SPA17: variants seen among roughly 807,000 people sequenced by gnomAD.
SPA17 encodes sperm surface protein Sp17.
In SPA17, 7 loss-of-function variants were observed where a neutral mutation model predicts 13.8. The observed-to-expected ratio is 0.51, with a 90% CI of 0.29 to 0.95. The LOEUF is 0.95. Among genes scored for constraint, SPA17 ranks in the 40% least tolerant of loss-of-function variants. SPA17 has a pLI of 0.08. For synonymous variants in SPA17, 61 were observed against 59.0 expected (o/e 1.03, Z -0.16); for missense variants, 170 against 179.3 (o/e 0.95, Z 0.30).
chr11:124,686,357 C>T (rs1943578873), intron 3 of SPA17, among the ~76,000 whole-genome samples: 1 of 152,132 alleles, frequency 6.6e-6, no homozygotes, highest in African/African-American at 2.4e-5. Flanking sequence ...TATAAATTAC[C>T]CAGTCTCAGG....
chr11:124,687,494 A>G (rs1184381975), intron 3 of SPA17, among the ~76,000 whole-genome samples: 1 of 152,220 alleles, frequency 6.6e-6, no homozygotes, highest in African/African-American at 2.4e-5. Context: ...CAAGGACCCA[A>G]CAAAAACAGA....
rs771426769 is a variant in SPA17 at position 124,681,468 on chromosome 11, C to T, written c.225+9C>T. The T allele has an allele frequency of 3.9e-6, 6 of 1,553,150 alleles. No homozygotes were observed. Among genetic ancestry groups the T allele is most frequent in the African/African-American group, 1.4e-5 (1 of 72,930 alleles). On this transcript the variant is annotated intron_variant, in intron 3 of 4. Transcript: ENST00000227135. ...ACAATCATGCATTCGAGGTATGGTCCTTTGAAGCTGTTGGATTTGGCTATT... is the reference window on the plus strand; with the variant it reads ...ACAATCATGCATTCGAGGTATGGTCTTTTGAAGCTGTTGGATTTGGCTATT...
rs1055550638 is a variant in SPA17 at position 124,696,947 on chromosome 11, C to G, written c.*2501C>G. 1 of 152,192 alleles carries G rather than the reference C, an allele frequency of 6.6e-6. No individual in the cohort carries two copies. The highest frequency in any genetic ancestry group is 2.4e-5 in the African/African-American group (1 of 41,434). The allele number at this position is 152,192 out of a possible 1,614,324, so 9.4% of individuals were successfully genotyped here. A position where few individuals can be genotyped will look rare whatever the true frequency, so the allele number is the denominator to read the frequency against. The stretch of plus-strand genomic sequence containing the variant: ...TCCCCCACACCCAAGTTTTTCCATT[C>G]AAAAATGGCTGCTCCATTCTTCCAT... On this transcript the variant is annotated 3_prime_UTR_variant, in exon 5 of 5. Coordinates refer to ENST00000227135, the MANE Select transcript of SPA17 (RefSeq NM_017425.4).
rs1167178405 is a variant in SPA17, at chr11:124,675,123, A to T, written c.-27-115A>T. ...TGGATGGGCTTGGGTTGTGTTAGGG[A>T]AAAAAGAATTCAAGTCCAGATGTAT... On this transcript the variant is annotated intron_variant, in intron 1 of 4. Coordinates refer to ENST00000227135, the MANE Select transcript of SPA17 (RefSeq NM_017425.4). 1.2e-5 allele frequency: 13 copies of T among 1,078,104 alleles called. No homozygotes were observed. In the East Asian group the frequency reaches 3.0e-4, roughly 25 times the overall value. 66.8% of individuals were successfully genotyped at this position (1,078,104 alleles called of 1,614,324 possible). A position where few individuals can be genotyped will look rare whatever the true frequency, so the allele number is the denominator to read the frequency against.
At chr11:124,678,506 G>T (rs932500301) in intron 2 of SPA17, among the ~76,000 whole-genome samples, 2 of 149,544 alleles carry the variant, frequency 1.3e-5, no homozygotes, top group African/African-American at 5.1e-5. Context: ...AGGTTGATAT[G>T]AATACATAAC....
At chr11:124,689,785 AAAG>A (rs967645297) in intron 3 of SPA17, among the ~76,000 whole-genome samples, 5 of 152,114 alleles carry the variant, frequency 3.3e-5, no homozygotes, top group Non-Finnish European at 7.4e-5. Context: ...GAAAAAGAAA[AAAG>A]AACTTGGAAA....
chr11:124,677,874 T>A (rs747847743), intron 2 of SPA17, among the ~76,000 whole-genome samples: 1 of 152,254 alleles, frequency 6.6e-6, no homozygotes, highest in Admixed American at 6.5e-5. Flanking sequence ...ATGGCACTTA[T>A]GAAAGTATAT....
intron 3 of SPA17, among the ~76,000 whole-genome samples, chr11:124,683,001 C>T (rs1259240763): frequency 1.3e-5 from 2 of 151,908 alleles, no homozygotes; most frequent in Non-Finnish European, 2.9e-5. Context: ...ATCTCATCAA[C>T]TGTGAGGGAA....
chr11:124,675,429 T>A lies in SPA17; in HGVS notation c.154+11T>A. ...TAGAGAAAAGAGAGAGTAAGCTTTC[T>A]AAAATTAGTCATTTTTTAAAATAAG... On this transcript the variant is annotated intron_variant, in intron 2 of 4. Coordinates refer to ENST00000227135, the MANE Select transcript of SPA17 (RefSeq NM_017425.4). 6.3e-7 allele frequency: 1 copy of A among 1,599,662 alleles called. No homozygotes were observed. The highest frequency in any genetic ancestry group is 1.4e-5 in the African/African-American group (1 of 73,864).
At position 124,696,455 on chromosome 11, in the gene SPA17, A is replaced by G. The variant is rs1350847210; in HGVS notation, c.*2009A>G. 6.6e-6 allele frequency: 1 copy of G among 151,984 alleles called. No individual in the cohort carries two copies. The highest frequency in any genetic ancestry group is 1.5e-5 in the Non-Finnish European group (1 of 68,048). 9.4% of individuals were successfully genotyped at this position (151,984 alleles called of 1,614,324 possible). A position where few individuals can be genotyped will look rare whatever the true frequency, so the allele number is the denominator to read the frequency against. Reference sequence around the variant, plus strand: ...TCAGTAATTCTCCTGTTATACACATAAAGTGACTAGCACTATGCATTCCAT... The same window carrying G: ...TCAGTAATTCTCCTGTTATACACATGAAGTGACTAGCACTATGCATTCCAT... On this transcript the variant is annotated 3_prime_UTR_variant, in exon 5 of 5. Transcript: ENST00000227135.
chr11:124,694,269 A>C lies in SPA17; in HGVS notation c.313-34A>C, dbSNP rs773080467. 5.0e-6 allele frequency: 8 copies of C among 1,594,974 alleles called. No individual in the cohort carries two copies. The East Asian group carries it at 1.3e-4, about 27-fold the overall frequency. ...GTGGCATCAAAACTACGCCATATTTAAAGAGTCTCTTACTTTTTCTCCTTT... is the reference window on the plus strand; with the variant it reads ...GTGGCATCAAAACTACGCCATATTTCAAGAGTCTCTTACTTTTTCTCCTTT... On this transcript the variant is annotated intron_variant, in intron 4 of 4. Coordinates refer to ENST00000227135, the MANE Select transcript of SPA17 (RefSeq NM_017425.4).
At chr11:124,692,245 C>T (rs1032172837) in intron 4 of SPA17, among the ~76,000 whole-genome samples, 2 of 152,130 alleles carry the variant, frequency 1.3e-5, no homozygotes, top group African/African-American at 4.8e-5. Context: ...TAACGCTCTA[C>T]AAAAATGCCT....
At chr11:124,692,875 G>C (rs973447649) in intron 4 of SPA17, among the ~76,000 whole-genome samples, 1 of 152,172 alleles carries the variant, frequency 6.6e-6, no homozygotes, top group African/African-American at 2.4e-5. Flanking sequence ...TCAGGTCCCA[G>C]GTAGTTGCCC....
Position 124,692,971 on chromosome 11 carries a change from C to T in SPA17, c.312+1189C>T, listed in dbSNP as rs1290527186. Among the ~76,000 whole-genome samples, 3 of 152,170 alleles carry T rather than the reference C, an allele frequency of 2.0e-5. 1 individual carries two copies. The East Asian group carries it at 5.8e-4, about 29-fold the overall frequency. On this transcript the variant is annotated intron_variant, in intron 4 of 4. Coordinates refer to ENST00000227135, the MANE Select transcript of SPA17 (RefSeq NM_017425.4). Reference sequence around the variant, plus strand: ...GCATTGCTTTTCCCTATAAGATTTACAGGTTGTTCCACAATTGCCATTGGG... The same window carrying T: ...GCATTGCTTTTCCCTATAAGATTTATAGGTTGTTCCACAATTGCCATTGGG...
Position 124,681,412 on chromosome 11 carries a change from TG to T in SPA17, c.183del (p.Ser62ValfsTer3). ...AGAAACCAACTTTGATCCAGCAGAA[TG>T]GGGGAGTAAGGTAGAAGACCGCTTC... ...REKTNFDPAE[W>X]GSKVEDRFYN... is the part of the protein sequence containing the mutation. On this transcript the variant is annotated frameshift_variant, in exon 3 of 5. Transcript: ENST00000227135. LOFTEE classifies it high-confidence loss of function. The T allele has an allele frequency of 1.3e-6, 2 of 1,579,490 alleles. No individual in the cohort carries two copies. The highest frequency in any genetic ancestry group is 1.7e-6 in the Non-Finnish European group (2 of 1,160,182).
intron 2 of SPA17, 151 bp downstream of exon 2, chr11:124,675,569 A>T (rs1943451828): frequency 1.4e-6 from 1 of 734,366 alleles, no homozygotes; most frequent in Non-Finnish European, 2.2e-6. Flanking sequence ...AACAGTATGT[A>T]CCTCTTTGAT....
intron 4 of SPA17, 136 bp from the exon 5 acceptor site, chr11:124,694,167 T>C: frequency 9.0e-7 from 1 of 1,112,136 alleles, no homozygotes; most frequent in Non-Finnish European, 1.3e-6. Flanking sequence ...TGTGACAATA[T>C]ATGAAATTCC....
intron 2 of SPA17, among the ~76,000 whole-genome samples, chr11:124,677,909 G>A (rs558241885): frequency 2.0e-4 from 30 of 152,288 alleles, no homozygotes; most frequent in African/African-American, 5.8e-4. Flanking sequence ...AATAACAGAA[G>A]TCCAAATCAA....
intron 4 of SPA17, among the ~76,000 whole-genome samples, chr11:124,693,706 A>G (rs535947654): frequency 1.1e-4 from 16 of 152,284 alleles, no homozygotes; most frequent in Non-Finnish European, 1.5e-5. Flanking sequence ...TTGTACGCTG[A>G]AGATTCATGC....
Sources: allele counts gnomAD v4.1 joint callset (sites outside exome capture counted in the v4.1 genomes callset), GRCh38; gene constraint gnomAD v4.1.1; transcripts MANE v1.5; gene names NCBI Gene and HGNC (gene_info 2026-07-23, HGNC 2026-07-21).